ASB14: variants seen among roughly 807,000 people sequenced by gnomAD.
ASB14 encodes ankyrin repeat and SOCS box protein 14.
In ASB14, 63 loss-of-function variants were observed where a neutral mutation model predicts 55.6. The ratio of observed to expected loss-of-function variants is 1.13; its 90% confidence interval spans 0.92 to 1.40. The LOEUF is 1.40. ASB14 is among the 40% of genes most tolerant of loss of function. The pLI, the probability that ASB14 is intolerant of heterozygous loss-of-function variation, is 0.00. For missense variants in ASB14, 724 were observed against 710.4 expected, an observed-to-expected ratio of 1.02 and a Z score of -0.22; for synonymous variants, 256 against 259.9, an observed-to-expected ratio of 0.98 and a Z score of 0.15.
chr3:57,271,130 GC>G (rs2060935380), intron 10 of ASB14: 1 of 152,238 alleles, frequency 6.6e-6, no homozygotes, highest in Non-Finnish European at 1.5e-5. Flanking sequence ...AAGGGAAAAA[GC>G]CTTTTTTTTT....
chr3:57,276,538 A>G lies in ASB14; in HGVS notation c.*12T>C, dbSNP rs1461709353. The stretch of plus-strand genomic sequence containing the variant: ...GCTGCAAAATTATACCTTTTCCATT[A>G]GAATGGTTTGATTACCAGGTTCCTG... On this transcript the variant is annotated 3_prime_UTR_variant, in exon 10 of 11. Coordinates refer to ENST00000487349, the MANE Select transcript of ASB14 (RefSeq NM_001142733.3). 30 of 1,592,098 alleles carry G rather than the reference A, an allele frequency of 1.9e-5. No homozygotes were observed. The East Asian group carries it at 6.0e-4, about 32-fold the overall frequency.
At chr3:57,278,994 T>C (rs764458453) in intron 7 of ASB14, 74 bp from the exon 8 acceptor site, 10 of 1,382,444 alleles carry the variant, frequency 7.2e-6, no homozygotes, top group Non-Finnish European at 1.0e-5. Flanking sequence ...TATTGTTTTA[T>C]AGCAATACTA....
chr3:57,276,558 T>A lies in ASB14; in HGVS notation c.1756A>T (p.Thr586Ser). ...CCATTAGAATGGTTTGATTACCAGG[T>A]TCCTGTAAAAATTCCTTGTCCATAA... ...DLYGQGIFTG[T>S]W Residue 586 changes from threonine to serine, a missense_variant, in exon 10 of 11, where the codon ACC becomes TCC. Transcript: ENST00000487349. 1 of 1,607,268 alleles carries A rather than the reference T, an allele frequency of 6.2e-7. No individual in the cohort carries two copies. The highest frequency in any genetic ancestry group is 8.5e-7 in the Non-Finnish European group (1 of 1,176,250).
At chr3:57,289,687 CTT>C (rs34419265) in intron 2 of ASB14, among the ~76,000 whole-genome samples, 182 of 100,314 alleles carry the variant, frequency 1.8e-3, no homozygotes, top group Middle Eastern at 7.5e-3. Flanking sequence ...ACCTTCCATT[CTT>C]TTTTTTTTTT....
intron 5 of ASB14, among the ~76,000 whole-genome samples, chr3:57,286,536 ATC>A: frequency 6.6e-6 from 1 of 152,312 alleles, no homozygotes; most frequent in South Asian, 2.1e-4. Flanking sequence ...AACTTTATCC[ATC>A]TCGCTATTCA....
chr3:57,282,663 C>T (rs1438992214), intron 6 of ASB14, among the ~76,000 whole-genome samples: 4 of 152,168 alleles, frequency 2.6e-5, no homozygotes, highest in Admixed American at 1.3e-4. Context: ...TATGAGGCAA[C>T]ATGGGTAGTT....
Position 57,280,456 on chromosome 3 carries a change from G to A in ASB14, c.733C>T (p.Gln245Ter), listed in dbSNP as rs908752812. 1 of 1,550,848 alleles carries A rather than the reference G, an allele frequency of 6.4e-7. No individual in the cohort carries two copies. The highest frequency in any genetic ancestry group is 1.4e-5 in the African/African-American group (1 of 73,142). The change falls in exon 7 of 11, where the codon CAG (glutamine) becomes TAG (stop). Residue 245 changes from glutamine (Q) to a stop codon, truncating the protein, a stop_gained. Coordinates refer to ENST00000487349, the MANE Select transcript of ASB14 (RefSeq NM_001142733.3). LOFTEE classifies it high-confidence loss of function. ...AAGATGGAAGAAGAATCAGAGGCCT[G>A]ACCATGAGCATTAGCTCCTAAGAGG... ...LLRKGANAHG[Q>*]ASDSSSILLE...
chr3:57,286,443 T>G lies in ASB14; in HGVS notation c.469+1458A>C, dbSNP rs150760270. ...AAGAACTTTTTGTTACACAAAATTC[T>G]CTAATAATTGGCTTTTCTGCATTTA... On this transcript the variant is annotated intron_variant, in intron 5 of 10. Transcript: ENST00000487349. Among the ~76,000 whole-genome samples, 706 of 141,088 alleles carry G rather than the reference T, an allele frequency of 5.0e-3. 6 individuals carry two copies. Among genetic ancestry groups the G allele is most frequent in the Non-Finnish European group, 6.0e-3 (366 of 60,778 alleles). The allele number at this position is 141,088 out of a possible 152,430, so 92.6% of individuals were successfully genotyped here. A position where few individuals can be genotyped will look rare whatever the true frequency, so the allele number is the denominator to read the frequency against.
In ASB14 at chr3:57,276,724, G is replaced by A; in HGVS notation, c.1590C>T (p.Asn530=). Residue 530 remains asparagine, a synonymous_variant, in exon 10 of 11, where the codon AAC becomes AAT. Transcript: ENST00000487349. ...GGCACAAATGTTTTAGGGAGCGAGGGTTTGCTAAAAAGAAAAGGCACATTA... is the reference window on the plus strand; with the variant it reads ...GGCACAAATGTTTTAGGGAGCGAGGATTTGCTAAAAAGAAAAGGCACATTA... The part of the protein sequence containing the change: ...IWSEIHFILT[N]PRSLKHLCRL... The A allele has an allele frequency of 6.2e-7, 1 of 1,605,938 alleles. No homozygotes were observed. Among genetic ancestry groups the A allele is most frequent in the Non-Finnish European group, 8.5e-7 (1 of 1,177,304 alleles).
chr3:57,289,070 TTCTC>T lies in ASB14; in HGVS notation c.172_175del (p.Glu58LysfsTer10), dbSNP rs772023558. The T allele has an allele frequency of 5.9e-6, 9 of 1,522,588 alleles. No homozygotes were observed. The South Asian group carries it at 1.1e-4, about 18-fold the overall frequency. 94.3% of individuals were successfully genotyped at this position (1,522,588 alleles called of 1,614,324 possible). On this transcript the variant is annotated frameshift_variant, in exon 3 of 11. Transcript: ENST00000487349. LOFTEE classifies it high-confidence loss of function. Reference sequence around the variant, plus strand: ...TTAAAGGGGATAGGAGTACTTAACTTTCTCTATTGTTTCAACTATCTTCTTATAG... The same window carrying T: ...TTAAAGGGGATAGGAGTACTTAACTTTATTGTTTCAACTATCTTCTTATAG...
chr3:57,277,022 C>G (rs1579421808), intron 9 of ASB14, among the ~76,000 whole-genome samples: 1 of 152,034 alleles, frequency 6.6e-6, no homozygotes, highest in African/African-American at 2.4e-5. Context: ...TCCCAGCACT[C>G]TGGGAGGCCG....
intron 6 of ASB14, among the ~76,000 whole-genome samples, chr3:57,282,410 C>T (rs779322078): frequency 3.3e-5 from 5 of 152,068 alleles, no homozygotes; most frequent in African/African-American, 9.7e-5. Context: ...TAGATTGATC[C>T]TACCTTGCTT....
intron 6 of ASB14, 36 bp downstream of exon 6, chr3:57,283,158 C>T: frequency 1.3e-6 from 2 of 1,549,518 alleles, no homozygotes; most frequent in African/African-American, 1.4e-5. Context: ...ATCATGTTAC[C>T]CTTTGTTAGT....
At position 57,291,946 on chromosome 3, in the gene ASB14, G is replaced by C; in HGVS notation, c.88C>G (p.Pro30Ala). ...TTAGGTGCATGTTGTGCTGTTCCTGGCTTATAAATATCCTGCAAACTCTGT... is the reference window on the plus strand; with the variant it reads ...TTAGGTGCATGTTGTGCTGTTCCTGCCTTATAAATATCCTGCAAACTCTGT... Reference protein sequence around the residue: ...IQQSLQDIYKPGTAQHAPKDE... With the variant: ...IQQSLQDIYKAGTAQHAPKDE... The change falls in exon 2 of 11, where the codon CCA becomes GCA. Residue 30 changes from proline (P) to alanine (A), a missense_variant. Transcript: ENST00000487349. 2 of 1,536,504 alleles carry C rather than the reference G, an allele frequency of 1.3e-6. No homozygotes were observed. Among genetic ancestry groups the C allele is most frequent in the Non-Finnish European group, 1.7e-6 (2 of 1,146,144 alleles).
At chr3:57,292,167 T>C (rs1248713187) in intron 1 of ASB14, 63 bp from the exon 2 acceptor site, 1 of 1,074,830 alleles carries the variant, frequency 9.3e-7, no homozygotes, top group Non-Finnish European at 1.2e-6. Context: ...CAATGAAAAA[T>C]ATACAAAATT....
chr3:57,269,446 C>T lies in ASB14; in HGVS notation c.*195G>A. On this transcript the variant is annotated 3_prime_UTR_variant, in exon 11 of 11. Coordinates refer to ENST00000487349, the MANE Select transcript of ASB14 (RefSeq NM_001142733.3). ...CAGAAGTATGCATACATATTTATGA[C>T]AGAAGAAGTGGCTCTCAAGAATGTA... 1 of 1,128,040 alleles carries T rather than the reference C, an allele frequency of 8.9e-7. No individual in the cohort carries two copies. The highest frequency in any genetic ancestry group is 1.2e-6 in the Non-Finnish European group (1 of 813,068). 69.9% of individuals were successfully genotyped at this position (1,128,040 alleles called of 1,614,324 possible). A position where few individuals can be genotyped will look rare whatever the true frequency, so the allele number is the denominator to read the frequency against.
At chr3:57,272,085 T>G (rs992979332) in intron 10 of ASB14, 1 of 152,214 alleles carries the variant, frequency 6.6e-6, no homozygotes, top group Non-Finnish European at 1.5e-5. Flanking sequence ...GGGATATCTT[T>G]TCTCACATTC....
chr3:57,278,694 C>T lies in ASB14; in HGVS notation c.1114G>A (p.Val372Ile). 1 of 1,614,162 alleles carries T rather than the reference C, an allele frequency of 6.2e-7. No homozygotes were observed. The highest frequency in any genetic ancestry group is 8.5e-7 in the Non-Finnish European group (1 of 1,180,034). ...GCTCCAGCACTCAGAAGCAGCTTGACTGAAGAGAGGTCACTGTTTGATACA... is the reference window on the plus strand; with the variant it reads ...GCTCCAGCACTCAGAAGCAGCTTGATTGAAGAGAGGTCACTGTTTGATACA... ...FAVSNSDLSS[V>I]KLLLSAGALP... The change falls in exon 8 of 11, where the codon GTC becomes ATC. Residue 372 changes from valine (V) to isoleucine (I), a missense_variant. Val to Ile is a conservative substitution (Grantham distance 29). Coordinates refer to ENST00000487349, the MANE Select transcript of ASB14 (RefSeq NM_001142733.3).
At position 57,269,515 on chromosome 3, in the gene ASB14, A is replaced by C; in HGVS notation, c.*126T>G. 1 of 1,609,556 alleles carries C rather than the reference A, an allele frequency of 6.2e-7. No individual in the cohort carries two copies. Among genetic ancestry groups the C allele is most frequent in the Non-Finnish European group, 8.5e-7 (1 of 1,177,902 alleles). On this transcript the variant is annotated 3_prime_UTR_variant, in exon 11 of 11. Transcript: ENST00000487349. ...CCATTTGACTGCAGACAAGTAACTT[A>C]GTTTCTTTTTTGTCTTTTCCACTAG...
Sources: gnomAD v4.1 joint callset for allele counts (sites outside exome capture counted in the v4.1 genomes callset) on GRCh38, gnomAD v4.1.1 for gene constraint, MANE v1.5 for transcripts, NCBI Gene and HGNC (gene_info 2026-07-23, HGNC 2026-07-21) for gene names.